MUC12: variants seen among roughly 807,000 people sequenced by gnomAD.
MUC12 encodes the protein mucin-12.
A neutral mutation model predicts 230.8 loss-of-function variants in MUC12; 172 were observed. The observed-to-expected ratio is 0.75, with a 90% CI of 0.66 to 0.85. The LOEUF is 0.85. Ranked by LOEUF, MUC12 falls within the 40% of genes least tolerant of loss-of-function variation. The pLI is 0.00. For synonymous variants in MUC12, 1,259 were observed against 2,401.9 expected (o/e 0.52, Z 13.91); for missense variants, 3,506 against 5,920.6 (o/e 0.59, Z 13.38).
chr7:101,009,176 G>T lies in MUC12; in HGVS notation c.15251+17G>T, dbSNP rs1793805225. 2.0e-6 allele frequency: 3 copies of T among 1,536,254 alleles called. No individual in the cohort carries two copies. Among genetic ancestry groups the T allele is most frequent in the Non-Finnish European group, 1.7e-6 (2 of 1,145,582 alleles). Reference sequence around the variant, plus strand: ...GAGATTGCTGTGAGTATATTGGGGGGCAGGTTTATAGATGTGGGGAAATCC... The same window carrying T: ...GAGATTGCTGTGAGTATATTGGGGGTCAGGTTTATAGATGTGGGGAAATCC... On this transcript the variant is annotated intron_variant, in intron 5 of 11. Coordinates refer to ENST00000536621, the MANE Select transcript of MUC12 (RefSeq NM_001164462.2).
intron 11 of MUC12, among the ~76,000 whole-genome samples, 172 bp downstream of exon 11, chr7:101,017,835 C>A (rs1194064474): frequency 1.2e-4 from 14 of 115,166 alleles, no homozygotes; most frequent in Non-Finnish European, 2.2e-4. Flanking sequence ...CCCTTCCTCC[C>A]CCTGGGACCC....
chr7:100,981,234 CT>C (rs1312966996), intron 1 of MUC12: 1 of 403,826 alleles, frequency 2.5e-6, no homozygotes, highest in Non-Finnish European at 4.4e-6. Context: ...CACCCTGACC[CT>C]GGAGGTTGAA....
rs993379020 is a variant in MUC12 at position 101,014,218 on chromosome 7, C to A, written c.15800+144C>A. ...AGGCCAGATGGGGTGCCCAGACCCT[C>A]CCAGCCCTGGGTGCAGCAAAGGGCG... On this transcript the variant is annotated intron_variant, in intron 9 of 11. Transcript: ENST00000536621. The A allele has an allele frequency of 1.5e-5, 14 of 950,974 alleles. No homozygotes were observed. In the African/African-American group the frequency reaches 2.0e-4, roughly 14 times the overall value. 58.9% of individuals were successfully genotyped at this position (950,974 alleles called of 1,614,324 possible). A position where few individuals can be genotyped will look rare whatever the true frequency, so the allele number is the denominator to read the frequency against.
At chr7:101,006,404 A>C (rs1793751835) in intron 2 of MUC12, 67 bp from the exon 3 acceptor site, 2 of 1,038,028 alleles carry the variant, frequency 1.9e-6, no homozygotes, top group East Asian at 5.2e-5. Context: ...CTGGACCTGG[A>C]ATGGGAGTGC....
At chr7:100,984,382 A>G (rs1793156717) in intron 1 of MUC12, among the ~76,000 whole-genome samples, 1 of 150,414 alleles carries the variant, frequency 6.6e-6, no homozygotes, top group Non-Finnish European at 1.5e-5. Flanking sequence ...CCAGCCGCCC[A>G]AGGAGCTGGG....
In MUC12 at chr7:100,995,685, G is replaced by T. The variant is rs1793465024; in HGVS notation, c.5122G>T (p.Ala1708Ser). 1 of 1,537,016 alleles carries T rather than the reference G, an allele frequency of 6.5e-7. No homozygotes were observed. Among genetic ancestry groups the T allele is most frequent in the Admixed American group, 2.0e-5 (1 of 50,944 alleles). ...GCCTGCACCTCCTACTACCACATCA[G>T]CCTTTGTTGAGCTATCTACAACCTC... ...TMPAPPTTTS[A>S]FVELSTTSHG... Residue 1708 changes from alanine to serine, a missense_variant, in exon 2 of 12, where the codon GCC becomes TCC. By Grantham distance (99) the Ala-to-Ser change is moderately conservative. Transcript: ENST00000536621.
At position 100,995,578 on chromosome 7, in the gene MUC12, C is replaced by G. The variant is rs765584442; in HGVS notation, c.5015C>G (p.Thr1672Arg). 39 of 1,536,948 alleles carry G rather than the reference C, an allele frequency of 2.5e-5. No homozygotes were observed. In the Middle Eastern group the frequency reaches 6.7e-4, roughly 26 times the overall value. ...PVHSSTGSPHTTLSPAGSTTR... is the reference protein window; with the variant it reads ...PVHSSTGSPHRTLSPAGSTTR... ...CACAGCAGCACTGGATCGCCACACA[C>G]AACACTGTCCCCTGCCGGCTCTACA... Residue 1672 changes from threonine (T) to arginine (R), a missense_variant, in exon 2 of 12, where the codon ACA becomes AGA. Coordinates refer to ENST00000536621, the MANE Select transcript of MUC12 (RefSeq NM_001164462.2).
rs745589585 is a variant in MUC12, at chr7:100,991,187, C to A, written c.624C>A (p.Ser208=). The A allele has an allele frequency of 8.5e-6, 13 of 1,537,524 alleles. No individual in the cohort carries two copies. In the South Asian group the frequency reaches 1.4e-4, roughly 17 times the overall value. Residue 208 remains serine, a synonymous_variant, in exon 2 of 12, where the codon TCC becomes TCA. Coordinates refer to ENST00000536621, the MANE Select transcript of MUC12 (RefSeq NM_001164462.2). ...SIPGSTDTTL[S]PGTTTPSSLG... is the part of the protein sequence containing the mutation. ...CCGGCTCCACAGACACAACACTGTC[C>A]CCTGGCACTACCACACCATCATCCC... is the stretch of plus-strand genomic sequence containing the variant.
At chr7:101,017,480 G>C in intron 10 of MUC12, 95 bp from the exon 11 acceptor site, 1 of 777,376 alleles carries the variant, frequency 1.3e-6, no homozygotes, top group Non-Finnish European at 2.1e-6. Context: ...GGCAGATGCC[G>C]GGCTGACTCT....
chr7:100,974,990 G>A (rs929684629), intron 1 of MUC12, among the ~76,000 whole-genome samples: 2 of 152,306 alleles, frequency 1.3e-5, no homozygotes, highest in African/African-American at 2.4e-5. Flanking sequence ...TTGACCGGGA[G>A]GACAGGAGCC....
chr7:101,018,585 C>T lies in MUC12; in HGVS notation c.15967-10C>T, dbSNP rs764481831. 46 of 1,536,176 alleles carry T rather than the reference C, an allele frequency of 3.0e-5. 1 individual carries two copies. The highest frequency in any genetic ancestry group is 1.9e-4 in the South Asian group (16 of 83,990). ...CCCCTTGGCCTCACCTCTTCTCTCCCGTCCCCCAGCTCCACATCCAGAGGC... is the reference window on the plus strand; with the variant it reads ...CCCCTTGGCCTCACCTCTTCTCTCCTGTCCCCCAGCTCCACATCCAGAGGC... On this transcript the variant is annotated splice_polypyrimidine_tract_variant and intron_variant, in intron 11 of 11. Coordinates refer to ENST00000536621, the MANE Select transcript of MUC12 (RefSeq NM_001164462.2).
chr7:100,981,970 G>A (rs534765423), intron 1 of MUC12, among the ~76,000 whole-genome samples: 8 of 150,688 alleles, frequency 5.3e-5, no homozygotes, highest in Non-Finnish European at 8.9e-5. Flanking sequence ...GGGTTCAAGC[G>A]ATTCTCCTGC....
At chr7:101,010,915 G>A (rs1793833463) in intron 5 of MUC12, among the ~76,000 whole-genome samples, 1 of 152,104 alleles carries the variant, frequency 6.6e-6, no homozygotes, top group African/African-American at 2.4e-5. Flanking sequence ...CTCCCAAATT[G>A]CTGGGATTAC....
intron 2 of MUC12, among the ~76,000 whole-genome samples, chr7:101,006,124 C>T (rs527834456): frequency 6.6e-5 from 10 of 152,166 alleles, no homozygotes; most frequent in African/African-American, 1.7e-4. Flanking sequence ...CATGAGAATC[C>T]GCATCTGCTC....
intron 1 of MUC12, among the ~76,000 whole-genome samples, chr7:100,973,612 C>A (rs930687133): frequency 6.6e-6 from 1 of 151,726 alleles, no homozygotes; most frequent in Non-Finnish European, 1.5e-5. Context: ...AACTCCTGGG[C>A]TCAAACCATC....
intron 1 of MUC12, among the ~76,000 whole-genome samples, chr7:100,976,324 G>A (rs1313150119): frequency 6.6e-6 from 1 of 150,986 alleles, no homozygotes; most frequent in Non-Finnish European, 1.5e-5. Context: ...GCAAATATTC[G>A]GCCAGGCGTG....
rs532883110 is a variant in MUC12, at chr7:100,986,313, C to T, written c.68-4318C>T. Among the ~76,000 whole-genome samples the T allele has an allele frequency of 2.1e-4, 32 of 152,078 alleles. 1 individual carries two copies. The South Asian group carries it at 6.0e-3, about 29-fold the overall frequency. On this transcript the variant is annotated intron_variant, in intron 1 of 11. Coordinates refer to ENST00000536621, the MANE Select transcript of MUC12 (RefSeq NM_001164462.2). ...CTAGAAGTTTGAGGCTGCAGTTACT[C>T]CAGCCTAGAAGTAGGATGGTGATAT...
rs1189106915 is a variant in MUC12, at chr7:100,972,912, G to A, written c.67+3223G>A. 1.3e-5 allele frequency: 9 copies of A among 703,068 alleles called. No individual in the cohort carries two copies. In the East Asian group the frequency reaches 1.3e-4, roughly 10 times the overall value. 43.6% of individuals were successfully genotyped at this position (703,068 alleles called of 1,614,324 possible). A position where few individuals can be genotyped will look rare whatever the true frequency, so the allele number is the denominator to read the frequency against. ...AGAAGCAGACAGTCGAGCAAGGGAA[G>A]AGCACTCTGAGAAGGCAGAAAAATC... On this transcript the variant is annotated intron_variant, in intron 1 of 11. Transcript: ENST00000536621.
chr7:101,012,929 G>A (rs1263079318), intron 7 of MUC12, 39 bp downstream of exon 7: 1 of 1,537,284 alleles, frequency 6.5e-7, no homozygotes, highest in East Asian at 2.4e-5. Flanking sequence ...AAGAGTGGGG[G>A]CTGGGATGCT....
Sources: gnomAD v4.1 joint callset for allele counts (sites outside exome capture counted in the v4.1 genomes callset) on GRCh38, gnomAD v4.1.1 for gene constraint, MANE v1.5 for transcripts, NCBI Gene and HGNC (gene_info 2026-07-23, HGNC 2026-07-21) for gene names.